ABHD6: variants seen among roughly 807,000 people sequenced by gnomAD.
ABHD6 encodes abhydrolase domain containing 6, acylglycerol lipase, also known as monoacylglycerol lipase ABHD6.
In ABHD6, 33 loss-of-function variants were observed where a neutral mutation model predicts 38.8. The observed-to-expected ratio is 0.85, with a 90% confidence interval of 0.64 to 1.14. ABHD6 has a LOEUF of 1.14. Ranked by LOEUF, ABHD6 falls within the 50% of genes most tolerant of loss-of-function variation. The probability of loss-of-function intolerance (pLI) is 0.00; values close to 1 mark genes in which losing one functional copy is unlikely to be tolerated. For synonymous variants in ABHD6, 147 were observed against 161.6 expected (o/e 0.91, Z 0.69); for missense variants, 380 against 422.6 (o/e 0.90, Z 0.88).
chr3:58,290,322 G>T (rs1490750833), intron 9 of ABHD6, among the ~76,000 whole-genome samples: 1 of 143,182 alleles, frequency 7.0e-6, no homozygotes, highest in Non-Finnish European at 1.5e-5. Context: ...CCTCCCGGAC[G>T]GGGCGGCTGG....
Position 58,269,292 on chromosome 3 carries a change from A to G in ABHD6, c.277-29A>G, listed in dbSNP as rs775366383. The G allele has an allele frequency of 3.2e-6, 5 of 1,572,356 alleles. No homozygotes were observed. In the Admixed American group the frequency reaches 8.4e-5, roughly 26 times the overall value. On this transcript the variant is annotated intron_variant, in intron 4 of 9. Transcript: ENST00000478253. This position sits in a 1 kb window ranked among gnomAD's most constrained non-coding sequence, Gnocchi z 4.4. ...GGCAGACATGTTTTGCACACCACAT[A>G]CTGACTCTCTGGGTCTGTGTGTCCT...
intron 6 of ABHD6, among the ~76,000 whole-genome samples, chr3:58,271,333 T>TA (rs3038089): frequency 1.3e-4 from 19 of 149,224 alleles, no homozygotes; most frequent in Middle Eastern, 6.9e-3. Flanking sequence ...ATTTAAAATT[T>TA]AAAAAAAAAA....
chr3:58,290,157 CGGGCGGG>C (rs2097460949), intron 9 of ABHD6, among the ~76,000 whole-genome samples: 1 of 104,458 alleles, frequency 9.6e-6, no homozygotes, highest in African/African-American at 4.3e-5. Context: ...GGCGGCTGGC[CGGGCGGG>C]GGGCTGACCC....
intron 7 of ABHD6, among the ~76,000 whole-genome samples, chr3:58,284,101 G>A (rs2097455272): frequency 1.3e-5 from 2 of 152,280 alleles, no homozygotes. Flanking sequence ...TGTGAACCCT[G>A]TACTCTACCT....
At position 58,285,546 on chromosome 3, in the gene ABHD6, T is replaced by G. The variant is rs1241753608; in HGVS notation, c.837+93T>G. 1.8e-6 allele frequency: 2 copies of G among 1,113,398 alleles called. No individual in the cohort carries two copies. Among genetic ancestry groups the G allele is most frequent in the Non-Finnish European group, 2.7e-6 (2 of 736,454 alleles). The allele number at this position is 1,113,398 out of a possible 1,614,324, so 69.0% of individuals were successfully genotyped here. A position where few individuals can be genotyped will look rare whatever the true frequency, so the allele number is the denominator to read the frequency against. On this transcript the variant is annotated intron_variant, in intron 9 of 9. Transcript: ENST00000478253. This position sits in a 1 kb window ranked among gnomAD's most constrained non-coding sequence, Gnocchi z 4.9. Reference sequence around the variant, plus strand: ...GAAGAACAAGTGGTTATTTATGGAGTGAGCTGATCGCTGCTGTCAGGAAGA... The same window carrying G: ...GAAGAACAAGTGGTTATTTATGGAGGGAGCTGATCGCTGCTGTCAGGAAGA...
intron 7 of ABHD6, among the ~76,000 whole-genome samples, chr3:58,280,369 A>T (rs908451951): frequency 6.6e-6 from 1 of 151,406 alleles, no homozygotes; most frequent in Non-Finnish European, 1.5e-5. Context: ...CCTTTCTTTC[A>T]CTTCATCAAA....
In ABHD6 at chr3:58,267,804, C is replaced by T. The variant is rs2097442184; in HGVS notation, c.276+459C>T. The stretch of plus-strand genomic sequence containing the variant: ...TTAGAACTAATGCAGTGTGGCCTGG[C>T]ACAGTGGCTCATACCTGTAATCCCA... On this transcript the variant is annotated intron_variant, in intron 4 of 9. Transcript: ENST00000478253. The surrounding 1 kb of genome is among the most constrained non-coding windows in gnomAD (Gnocchi z 4.3). Among the ~76,000 whole-genome samples, 1 of 152,042 alleles carries T rather than the reference C, an allele frequency of 6.6e-6. No individual in the cohort carries two copies. The highest frequency in any genetic ancestry group is 1.5e-5 in the Non-Finnish European group (1 of 68,006).
intron 7 of ABHD6, among the ~76,000 whole-genome samples, chr3:58,276,569 G>A (rs138670585): frequency 2.2e-4 from 34 of 152,264 alleles, no homozygotes; most frequent in Non-Finnish European, 4.9e-4. Context: ...TAGGTTGCCT[G>A]TTCACTCTGA....
At chr3:58,242,167 G>A (rs929514624) in intron 1 of ABHD6, among the ~76,000 whole-genome samples, 4 of 152,138 alleles carry the variant, frequency 2.6e-5, no homozygotes, top group African/African-American at 9.7e-5. Context: ...GCATGTCTGG[G>A]GGTTGCAGAT....
At chr3:58,250,885 TGTA>T (rs936198874) in intron 2 of ABHD6, among the ~76,000 whole-genome samples, 4 of 152,144 alleles carry the variant, frequency 2.6e-5, no homozygotes, top group African/African-American at 9.7e-5. Context: ...TATCAGGCAG[TGTA>T]GTTTGTTTAG....
intron 7 of ABHD6, among the ~76,000 whole-genome samples, chr3:58,282,147 C>T (rs1289224056): frequency 6.6e-6 from 1 of 152,048 alleles, no homozygotes; most frequent in Non-Finnish European, 1.5e-5. Context: ...GTTTGACCTC[C>T]TAGACTCCCA....
chr3:58,267,405 C>T lies in ABHD6; in HGVS notation c.276+60C>T. The T allele has an allele frequency of 6.3e-7, 1 of 1,596,068 alleles. No homozygotes were observed. On this transcript the variant is annotated intron_variant, in intron 4 of 9. Transcript: ENST00000478253. The surrounding 1 kb of genome is among the most constrained non-coding windows in gnomAD (Gnocchi z 4.3). ...GGGAGTTGGGTGCTGTGGCTCATGCCTATAATCCCAGCACTTTGGGAGCCT... is the reference window on the plus strand; with the variant it reads ...GGGAGTTGGGTGCTGTGGCTCATGCTTATAATCCCAGCACTTTGGGAGCCT...
Position 58,285,557 on chromosome 3 carries a change from C to A in ABHD6, c.837+104C>A. On this transcript the variant is annotated intron_variant, in intron 9 of 9. Transcript: ENST00000478253. This position sits in a 1 kb window ranked among gnomAD's most constrained non-coding sequence, Gnocchi z 4.9. Reference sequence around the variant, plus strand: ...GGTTATTTATGGAGTGAGCTGATCGCTGCTGTCAGGAAGAGGGGGAAGGCA... The same window carrying A: ...GGTTATTTATGGAGTGAGCTGATCGATGCTGTCAGGAAGAGGGGGAAGGCA... 9.9e-7 allele frequency: 1 copy of A among 1,013,578 alleles called. No homozygotes were observed. The highest frequency in any genetic ancestry group is 1.5e-6 in the Non-Finnish European group (1 of 654,212). 62.8% of individuals were successfully genotyped at this position (1,013,578 alleles called of 1,614,324 possible). A position where few individuals can be genotyped will look rare whatever the true frequency, so the allele number is the denominator to read the frequency against.
rs2097441108 is a variant in ABHD6, at chr3:58,266,488, T to G, written c.120-701T>G. Reference sequence around the variant, plus strand: ...ACAAAAAAAAAAACCTTATGTATGCTCTCACATTTTTTGTATGCGGATAAA... The same window carrying G: ...ACAAAAAAAAAAACCTTATGTATGCGCTCACATTTTTTGTATGCGGATAAA... On this transcript the variant is annotated intron_variant, in intron 3 of 9. Transcript: ENST00000478253. This position sits in a 1 kb window ranked among gnomAD's most constrained non-coding sequence, Gnocchi z 4.0. 1.3e-5 allele frequency among the ~76,000 whole-genome samples: 2 copies of G among 151,556 alleles called. No individual in the cohort carries two copies. Among genetic ancestry groups the G allele is most frequent in the Admixed American group, 6.6e-5 (1 of 15,188 alleles).
rs1301067249 is a variant in ABHD6, at chr3:58,269,311, G to A, written c.277-10G>A. 6.2e-7 allele frequency: 1 copy of A among 1,606,598 alleles called. No homozygotes were observed. Among genetic ancestry groups the A allele is most frequent in the Admixed American group, 1.7e-5 (1 of 59,940 alleles). ...CCACATACTGACTCTCTGGGTCTGT[G>A]TGTCCTCAGTTCCTTCCAAAGAACC... On this transcript the variant is annotated splice_polypyrimidine_tract_variant and intron_variant, in intron 4 of 9. Coordinates refer to ENST00000478253, the MANE Select transcript of ABHD6 (RefSeq NM_001320126.2). This position sits in a 1 kb window ranked among gnomAD's most constrained non-coding sequence, Gnocchi z 4.4.
Position 58,270,967 on chromosome 3 carries a change from C to T in ABHD6, c.426C>T (p.Phe142=). The T allele has an allele frequency of 6.2e-7, 1 of 1,610,434 alleles. No homozygotes were observed. Among genetic ancestry groups the T allele is most frequent in the Non-Finnish European group, 8.5e-7 (1 of 1,179,008 alleles). ...VECLKLNKKP[F]HLVGTSMGGQ... ...GCCTGAAGCTGAACAAAAAACCTTT[C>T]CACCTGGTAGGCACCTCCATGGGTG... The change falls in exon 6 of 10, where the codon TTC becomes TTT. Residue 142 remains phenylalanine, a synonymous_variant. Transcript: ENST00000478253.
In ABHD6 at chr3:58,285,713, C is replaced by T. The variant is rs2097456384; in HGVS notation, c.837+260C>T. On this transcript the variant is annotated intron_variant, in intron 9 of 9. Coordinates refer to ENST00000478253, the MANE Select transcript of ABHD6 (RefSeq NM_001320126.2). The surrounding 1 kb of genome is among the most constrained non-coding windows in gnomAD (Gnocchi z 4.9). Reference sequence around the variant, plus strand: ...TGTTTTTATCAAAGCCATGTAGTCACATGGTATAAAAAGATCTTCAAAGAA... The same window carrying T: ...TGTTTTTATCAAAGCCATGTAGTCATATGGTATAAAAAGATCTTCAAAGAA... Among the ~76,000 whole-genome samples the T allele has an allele frequency of 6.6e-6, 1 of 152,312 alleles. No homozygotes were observed. Among genetic ancestry groups the T allele is most frequent in the South Asian group, 2.1e-4 (1 of 4,828 alleles).
intron 1 of ABHD6, among the ~76,000 whole-genome samples, chr3:58,240,073 G>A (rs1441946088): frequency 6.6e-6 from 1 of 151,796 alleles, no homozygotes; most frequent in African/African-American, 2.4e-5. Flanking sequence ...GATTGCTTGA[G>A]CCTGGGAGGT....
chr3:58,269,344 G>A lies in ABHD6; in HGVS notation c.300G>A (p.Leu100=), dbSNP rs1437707870. The A allele has an allele frequency of 1.9e-6, 3 of 1,613,748 alleles. No individual in the cohort carries two copies. Among genetic ancestry groups the A allele is most frequent in the Non-Finnish European group, 2.5e-6 (3 of 1,179,856 alleles). The change falls in exon 5 of 10, where the codon TTG becomes TTA. Residue 100 remains leucine, a synonymous_variant. Transcript: ENST00000478253. The surrounding 1 kb of genome is among the most constrained non-coding windows in gnomAD (Gnocchi z 4.4). ...AGTTCCTTCCAAAGAACCTGCACTT[G>A]GTCTGCGTGGACATGCCAGGACATG... ...VVKFLPKNLH[L]VCVDMPGHEG...
Sources: gnomAD v4.1 joint callset for allele counts (sites outside exome capture counted in the v4.1 genomes callset) on GRCh38, gnomAD v4.1.1 for gene constraint, Gnocchi (gnomAD v3.1) non-coding constraint, MANE v1.5 for transcripts, NCBI Gene and HGNC (gene_info 2026-07-23, HGNC 2026-07-21) for gene names.